INTS7: variants seen among roughly 807,000 people sequenced by gnomAD.
The protein encoded by INTS7 is integrator complex subunit 7, also known as chromosome 1 open reading frame 73.
Under a neutral mutation model 109.2 loss-of-function variants are expected in INTS7, and 46 were observed. The ratio of observed to expected loss-of-function variants is 0.42; its 90% CI spans 0.33 to 0.54. INTS7 has a LOEUF of 0.54. Ranked by LOEUF, INTS7 falls within the 20% of genes least tolerant of loss-of-function variation. INTS7 has a pLI of 0.07. For missense variants in INTS7, 929 were observed against 1,132.4 expected (o/e 0.82, Z 2.58); for synonymous variants, 412 against 402.9 (o/e 1.02, Z -0.27).
chr1:211,948,757 G>A (rs767673125), intron 17 of INTS7, among the ~76,000 whole-genome samples: 18 of 152,178 alleles, frequency 1.2e-4, no homozygotes, highest in Non-Finnish European at 2.6e-4. Context: ...GCCCAAGCTG[G>A]AGTGCAATGG....
rs201465018 is a variant in INTS7, at chr1:211,950,278, CTTAT to C, written c.2316+2287_2316+2290del. 1.3e-3 allele frequency among the ~76,000 whole-genome samples: 201 copies of C among 151,684 alleles called. 5 individuals are homozygous for C. In the East Asian group the frequency reaches 0.034, roughly 26 times the overall value. On this transcript the variant is annotated intron_variant, in intron 17 of 19. Transcript: ENST00000366994. The stretch of plus-strand genomic sequence containing the variant: ...AAAAGGGAAATAACTTACTTACTTA[CTTAT>C]TTATTTGAGATGAAGTTTCACTCTT...
intron 9 of INTS7, among the ~76,000 whole-genome samples, 153 bp from the exon 10 acceptor site, chr1:211,981,343 GT>G (rs1664657175): frequency 1.3e-5 from 2 of 152,078 alleles, no homozygotes; most frequent in African/African-American, 4.8e-5. Context: ...CCTTGAAAAA[GT>G]ACATGTGGCA....
At chr1:212,015,680 G>T (rs181801226) in intron 4 of INTS7, among the ~76,000 whole-genome samples, 2 of 102,878 alleles carry the variant, frequency 1.9e-5, no homozygotes, top group African/African-American at 3.8e-5. Context: ...CCCTCTCTCC[G>T]AGAAACACCC....
At chr1:211,949,799 G>A (rs1663006365) in intron 17 of INTS7, among the ~76,000 whole-genome samples, 2 of 152,264 alleles carry the variant, frequency 1.3e-5, no homozygotes, top group South Asian at 2.1e-4. Flanking sequence ...CCTGGCCACT[G>A]GCTACCTCTC....
chr1:211,941,623 G>T lies in INTS7; in HGVS notation c.*201C>A. 1 of 660,046 alleles carries T rather than the reference G, an allele frequency of 1.5e-6. No individual in the cohort carries two copies. The highest frequency in any genetic ancestry group is 2.5e-6 in the Non-Finnish European group (1 of 400,500). The allele number at this position is 660,046 out of a possible 1,614,324, so 40.9% of individuals were successfully genotyped here. On this transcript the variant is annotated 3_prime_UTR_variant, in exon 20 of 20. Coordinates refer to ENST00000366994, the MANE Select transcript of INTS7 (RefSeq NM_015434.4). ...CCCACCTCAGCCTCCCAAAGTGCTGGGATTACAGGCGTGAGCAACCACGCC... is the reference window on the plus strand; with the variant it reads ...CCCACCTCAGCCTCCCAAAGTGCTGTGATTACAGGCGTGAGCAACCACGCC...
At chr1:212,012,371 G>GA (rs899870553) in intron 4 of INTS7, among the ~76,000 whole-genome samples, 3 of 151,878 alleles carry the variant, frequency 2.0e-5, no homozygotes, top group African/African-American at 4.8e-5. Flanking sequence ...ACAGATACTA[G>GA]AAAAAAAATC....
chr1:212,009,456 T>G (rs1038097781), intron 5 of INTS7, among the ~76,000 whole-genome samples: 1 of 152,170 alleles, frequency 6.6e-6, no homozygotes, highest in Non-Finnish European at 1.5e-5. Flanking sequence ...CAGCAGGAGT[T>G]GCAGAGAAGA....
intron 5 of INTS7, among the ~76,000 whole-genome samples, chr1:212,009,701 A>C (rs1480713223): frequency 1.3e-5 from 2 of 152,172 alleles, no homozygotes; most frequent in Non-Finnish European, 2.9e-5. Flanking sequence ...ACCTTCCTTG[A>C]GTTATCTTAA....
chr1:211,989,806 A>C (rs1374955827), intron 7 of INTS7, among the ~76,000 whole-genome samples: 1 of 150,346 alleles, frequency 6.7e-6, no homozygotes, highest in Non-Finnish European at 1.5e-5. Flanking sequence ...AGGGCGACAG[A>C]GCAAGACTCC....
chr1:212,033,651 A>G (rs1255997997), intron 1 of INTS7, among the ~76,000 whole-genome samples: 1 of 152,208 alleles, frequency 6.6e-6, no homozygotes, highest in Non-Finnish European at 1.5e-5. Context: ...TATTGTCAGC[A>G]TGAGACAAGC....
intron 4 of INTS7, among the ~76,000 whole-genome samples, chr1:212,013,260 A>T (rs1053563244): frequency 1.3e-5 from 2 of 152,170 alleles, no homozygotes; most frequent in African/African-American, 4.8e-5. Flanking sequence ...AGCTCAAGTG[A>T]TACCCCGGCC....
chr1:212,035,480 A>T lies in INTS7; in HGVS notation c.-43T>A. 7.1e-7 allele frequency: 1 copy of T among 1,412,502 alleles called. No individual in the cohort carries two copies. The highest frequency in any genetic ancestry group is 1.0e-6 in the Non-Finnish European group (1 of 996,364). 87.5% of individuals were successfully genotyped at this position (1,412,502 alleles called of 1,614,324 possible). Reference sequence around the variant, plus strand: ...GACTAGCCTAGTCAGAAAGCTTGCAAACTCTACCCCAGGACCGCCATCTTC... The same window carrying T: ...GACTAGCCTAGTCAGAAAGCTTGCATACTCTACCCCAGGACCGCCATCTTC... On this transcript the variant is annotated 5_prime_UTR_variant, in exon 1 of 20. It adds an upstream start codon to the 5' untranslated region. Transcript: ENST00000366994.
rs2102429603 is a variant in INTS7, at chr1:211,982,775, C to T, written c.1033G>A (p.Val345Ile). 1.2e-6 allele frequency: 2 copies of T among 1,610,504 alleles called. No homozygotes were observed. The highest frequency in any genetic ancestry group is 3.3e-4 in the Middle Eastern group (2 of 6,044). ...VSSSPRSSDL[V>I]KLAQECCYHN... is the part of the protein sequence containing the mutation. Reference sequence around the variant, plus strand: ...TAACAGCACTCTTGGGCTAATTTGACTAAATCAGAAGATCTGGGAGAAGAA... The same window carrying T: ...TAACAGCACTCTTGGGCTAATTTGATTAAATCAGAAGATCTGGGAGAAGAA... Residue 345 changes from valine (V) to isoleucine (I), a missense_variant, in exon 9 of 20, where the codon GTC becomes ATC. Physicochemically the swap from Val to Ile is conservative, Grantham distance 29. This residue lies in a region of INTS7 where 787 missense variants were observed against 901.1 expected (regional missense o/e 0.87). Coordinates refer to ENST00000366994, the MANE Select transcript of INTS7 (RefSeq NM_015434.4).
chr1:211,998,529 G>C (rs975485035), intron 7 of INTS7, among the ~76,000 whole-genome samples: 1 of 152,132 alleles, frequency 6.6e-6, no homozygotes, highest in Non-Finnish European at 1.5e-5. Flanking sequence ...TGCCTACCTT[G>C]TACCATACAC....
At chr1:212,015,292 A>C (rs942605713) in intron 4 of INTS7, among the ~76,000 whole-genome samples, 4 of 152,196 alleles carry the variant, frequency 2.6e-5, no homozygotes, top group African/African-American at 9.7e-5. Flanking sequence ...GAAAAGAAAG[A>C]AAGATCAGAT....
At chr1:212,000,778 A>T (rs1418448131) in intron 7 of INTS7, among the ~76,000 whole-genome samples, 1 of 152,212 alleles carries the variant, frequency 6.6e-6, no homozygotes, top group Non-Finnish European at 1.5e-5. Flanking sequence ...ATCCATCACA[A>T]GAGACTTTCT....
rs1482723321 is a variant in INTS7 at position 211,959,418 on chromosome 1, C to T, written c.2184-6717G>A. Among the ~76,000 whole-genome samples, 2 of 152,152 alleles carry T rather than the reference C, an allele frequency of 1.3e-5. No homozygotes were observed. Among genetic ancestry groups the T allele is most frequent in the Non-Finnish European group, 2.9e-5 (2 of 68,010 alleles). ...GGGGGCCTGCATCATAGCTCCTGTG[C>T]TTGTGGACTGCGCCTAACTGGTAGT... is the stretch of plus-strand genomic sequence containing the variant. On this transcript the variant is annotated intron_variant, in intron 16 of 19. Coordinates refer to ENST00000366994, the MANE Select transcript of INTS7 (RefSeq NM_015434.4). This position sits in a 1 kb window ranked among gnomAD's most constrained non-coding sequence, Gnocchi z 4.2.
chr1:211,981,868 A>G (rs1439973020), intron 9 of INTS7, among the ~76,000 whole-genome samples: 1 of 152,238 alleles, frequency 6.6e-6, no homozygotes, highest in Non-Finnish European at 1.5e-5. Context: ...ACTCTTTGTG[A>G]TGCCAATATA....
chr1:211,980,449 T>A (rs1292028965), intron 10 of INTS7, among the ~76,000 whole-genome samples: 1 of 152,196 alleles, frequency 6.6e-6, no homozygotes, highest in African/African-American at 2.4e-5. Flanking sequence ...TTATTTATTT[T>A]TTTTGAGACA....
Sources: gnomAD v4.1 joint callset for allele counts (sites outside exome capture counted in the v4.1 genomes callset) on GRCh38, gnomAD v4.1.1 for gene constraint, gnomAD v4.1.1 regional missense constraint, Gnocchi (gnomAD v3.1) non-coding constraint, MANE v1.5 for transcripts, NCBI Gene and HGNC (gene_info 2026-07-23, HGNC 2026-07-21) for gene names.